VAV3: variants seen among roughly 807,000 people sequenced by gnomAD.
VAV3 encodes guanine nucleotide exchange factor VAV3.
VAV3 carries 94 observed loss-of-function variants against 131.2 expected under a neutral mutation model. That is an observed-to-expected ratio of 0.72 (90% CI 0.61 to 0.85). The LOEUF (loss-of-function observed/expected upper bound fraction) is 0.85. Among genes scored for constraint, VAV3 ranks in the 40% least tolerant of loss-of-function variants. The probability of loss-of-function intolerance (pLI) is 0.00; values close to 1 mark genes in which losing one functional copy is unlikely to be tolerated. For missense variants in VAV3, 939 were observed against 1,002.7 expected (o/e 0.94, Z 0.86); for synonymous variants, 349 against 342.0 (o/e 1.02, Z -0.22).
chr1:107,761,351 TCA>T (rs1664409888), intron 9 of VAV3, among the ~76,000 whole-genome samples: 1 of 143,424 alleles, frequency 7.0e-6, no homozygotes, highest in Admixed American at 7.2e-5. Context: ...TGAGATGGTG[TCA>T]CTGCACTCCA....
At chr1:107,929,718 T>C (rs1673330819) in intron 1 of VAV3, among the ~76,000 whole-genome samples, 1 of 152,202 alleles carries the variant, frequency 6.6e-6, no homozygotes, top group Non-Finnish European at 1.5e-5. Flanking sequence ...ATTAGTTTTC[T>C]TTTTGCTTGT....
chr1:107,685,976 T>G (rs960010271), intron 18 of VAV3: 2 of 120,166 alleles, frequency 1.7e-5, no homozygotes, highest in Non-Finnish European at 3.2e-5. Context: ...AGAATCAGTC[T>G]CCAGGACCTT....
intron 20 of VAV3, among the ~76,000 whole-genome samples, chr1:107,630,348 A>AGGATGGATGGAT (rs112495050): frequency 0.13 from 19,189 of 150,664 alleles, 1,296 homozygotes; most frequent in East Asian, 0.19. Flanking sequence ...AATGGATGGG[A>AGGATGGATGGAT]GGATGGATGG....
At chr1:107,786,054 G>A (rs538271666) in intron 2 of VAV3, among the ~76,000 whole-genome samples, 1 of 152,290 alleles carries the variant, frequency 6.6e-6, no homozygotes, top group Non-Finnish European at 1.5e-5. Flanking sequence ...GGATGCTGTT[G>A]AAAAATGTCC....
intron 15 of VAV3, among the ~76,000 whole-genome samples, chr1:107,747,122 T>C (rs6665308): frequency 0.67 from 101,608 of 151,932 alleles, 34,629 homozygotes; most frequent in East Asian, 0.97. Context: ...TCAGGTGAAT[T>C]GCCCACCTCA....
In VAV3 at chr1:107,757,349, T is replaced by G; in HGVS notation, c.1018-20A>C. The G allele has an allele frequency of 6.3e-7, 1 of 1,585,700 alleles. No homozygotes were observed. The highest frequency in any genetic ancestry group is 8.6e-7 in the Non-Finnish European group (1 of 1,166,728). On this transcript the variant is annotated intron_variant, in intron 10 of 26. Coordinates refer to ENST00000370056, the MANE Select transcript of VAV3 (RefSeq NM_006113.5). ...CAGTTCCTATTTGGAAGATATGGTT[T>G]AGTACTACTTTCATCAAATTAAAAC...
intron 25 of VAV3, among the ~76,000 whole-genome samples, chr1:107,575,015 GCACA>G (rs747059484): frequency 0.28 from 7,131 of 25,714 alleles, 275 homozygotes; most frequent in East Asian, 0.41. Flanking sequence ...GCGCGCGCGC[GCACA>G]CGCGCGCGTG....
intron 21 of VAV3, among the ~76,000 whole-genome samples, chr1:107,610,377 T>G (rs1332883826): frequency 6.6e-6 from 1 of 151,982 alleles, no homozygotes; most frequent in African/African-American, 2.4e-5. Context: ...ATGTGGGTAT[T>G]TAATATTTTT....
At chr1:107,818,816 C>G (rs1019520547) in intron 2 of VAV3, among the ~76,000 whole-genome samples, 1 of 152,180 alleles carries the variant, frequency 6.6e-6, no homozygotes, top group Admixed American at 6.5e-5. Flanking sequence ...TCAGTCCCCC[C>G]ACCAGGTCCA....
At chr1:107,937,111 C>T (rs989499954) in intron 1 of VAV3, among the ~76,000 whole-genome samples, 2 of 152,160 alleles carry the variant, frequency 1.3e-5, no homozygotes, top group African/African-American at 2.4e-5. Flanking sequence ...AAAACAGCTC[C>T]ATCATTCACA....
chr1:107,737,308 G>A (rs1303322761), intron 15 of VAV3, among the ~76,000 whole-genome samples: 1 of 152,172 alleles, frequency 6.6e-6, no homozygotes, highest in African/African-American at 2.4e-5. Context: ...AGGACTTCAT[G>A]TCTAAAACAC....
intron 19 of VAV3, among the ~76,000 whole-genome samples, chr1:107,649,676 T>C (rs1364929398): frequency 5.3e-5 from 8 of 152,054 alleles, no homozygotes; most frequent in Non-Finnish European, 4.4e-5. Context: ...ATAAAGGATA[T>C]CTAAAGGAGA....
chr1:107,595,640 C>A (rs941586903), intron 25 of VAV3, among the ~76,000 whole-genome samples: 1 of 152,074 alleles, frequency 6.6e-6, no homozygotes, highest in Non-Finnish European at 1.5e-5. Flanking sequence ...ACTCACAGTC[C>A]AACCATAACA....
chr1:107,760,946 G>A (rs1664376753), intron 9 of VAV3, 67 bp from the exon 10 acceptor site: 1 of 1,081,174 alleles, frequency 9.2e-7, no homozygotes, highest in African/African-American at 1.6e-5. Context: ...AAGGCCCTAG[G>A]CAGAACAGTT....
intron 20 of VAV3, among the ~76,000 whole-genome samples, chr1:107,637,282 A>C (rs962688208): frequency 4.6e-5 from 7 of 152,198 alleles, no homozygotes; most frequent in African/African-American, 1.4e-4. Flanking sequence ...CGAGGAGAAG[A>C]AGCAAGTAAC....
intron 15 of VAV3, among the ~76,000 whole-genome samples, chr1:107,719,237 C>T (rs183355624): frequency 3.9e-5 from 6 of 152,222 alleles, no homozygotes; most frequent in Admixed American, 1.3e-4. Flanking sequence ...AGCTTCTGCA[C>T]GGCAAAAGAA....
At chr1:107,879,221 T>C (rs1217203997) in intron 1 of VAV3, among the ~76,000 whole-genome samples, 2 of 152,154 alleles carry the variant, frequency 1.3e-5, no homozygotes, top group East Asian at 3.8e-4. Flanking sequence ...TCCAAATAAG[T>C]CTTATTTTCA....
At chr1:107,702,037 G>C (rs1660163787) in intron 17 of VAV3, among the ~76,000 whole-genome samples, 1 of 152,164 alleles carries the variant, frequency 6.6e-6, no homozygotes. Context: ...CCCCCACTCT[G>C]GGTACCAATT....
At chr1:107,733,859 G>C (rs192928293) in intron 15 of VAV3, among the ~76,000 whole-genome samples, 164 of 152,176 alleles carry the variant, frequency 1.1e-3, no homozygotes, top group Admixed American at 2.0e-3. Flanking sequence ...TAACAAGGCA[G>C]GCCAACATTC....
Sources: allele counts gnomAD v4.1 joint callset (sites outside exome capture counted in the v4.1 genomes callset), GRCh38; gene constraint gnomAD v4.1.1; transcripts MANE v1.5; gene names NCBI Gene and HGNC (gene_info 2026-07-23, HGNC 2026-07-21).